Variants in SFMBT2 observed in about 807,000 individuals in gnomAD.
SFMBT2 encodes Scm like with four mbt domains 2.
A neutral mutation model predicts 110.1 loss-of-function variants in SFMBT2; 38 were observed. The observed-to-expected ratio is 0.35, with a 90% CI of 0.27 to 0.45. The LOEUF (loss-of-function observed/expected upper bound fraction) is 0.45. SFMBT2 is among the 20% of genes least tolerant of loss of function. The pLI is 1.00. For synonymous variants in SFMBT2, 425 were observed against 425.4 expected (o/e 1.00, Z 0.01); for missense variants, 1,011 against 1,094.9 (o/e 0.92, Z 1.08).
chr10:7,210,918 G>T (rs1298512304), intron 11 of SFMBT2, among the ~76,000 whole-genome samples: 1 of 151,842 alleles, frequency 6.6e-6, no homozygotes, highest in Admixed American at 6.6e-5. Flanking sequence ...AGACGAGTAT[G>T]GGGGGGGTGT....
intron 4 of SFMBT2, among the ~76,000 whole-genome samples, chr10:7,296,352 G>A (rs1237215171): frequency 6.6e-6 from 1 of 152,164 alleles, no homozygotes; most frequent in East Asian, 1.9e-4. Context: ...AGCTCCCTCT[G>A]CAGAAAAACT....
At chr10:7,274,526 TTA>T (rs766264908) in intron 7 of SFMBT2, among the ~76,000 whole-genome samples, 4 of 152,190 alleles carry the variant, frequency 2.6e-5, no homozygotes, top group African/African-American at 7.2e-5. Context: ...CATCCAGCTC[TTA>T]TTCTCCTTCC....
intron 4 of SFMBT2, among the ~76,000 whole-genome samples, chr10:7,342,773 A>C (rs566435577): frequency 6.6e-6 from 1 of 152,204 alleles, no homozygotes; most frequent in Non-Finnish European, 1.5e-5. Flanking sequence ...ACTCGTGTCC[A>C]TATTTCCTTT....
At chr10:7,222,279 T>C (rs1465435580) in intron 10 of SFMBT2, among the ~76,000 whole-genome samples, 1 of 152,262 alleles carries the variant, frequency 6.6e-6, no homozygotes, top group African/African-American at 2.4e-5. Flanking sequence ...TCAGTGATTG[T>C]GATTAAAGCT....
intron 4 of SFMBT2, among the ~76,000 whole-genome samples, chr10:7,314,826 T>A (rs894815585): frequency 2.9e-4 from 44 of 151,716 alleles, no homozygotes; most frequent in African/African-American, 1.0e-3. Flanking sequence ...GAGAACCTTT[T>A]GAACTCAAGA....
intron 16 of SFMBT2, among the ~76,000 whole-genome samples, chr10:7,186,082 A>C (rs1838392321): frequency 6.6e-6 from 1 of 152,158 alleles, no homozygotes; most frequent in Non-Finnish European, 1.5e-5. Context: ...TCTTTCTATA[A>C]AAGGTACGGT....
chr10:7,285,791 A>G (rs1236148573), intron 5 of SFMBT2, 75 bp downstream of exon 5: 2 of 798,024 alleles, frequency 2.5e-6, no homozygotes, highest in Non-Finnish European at 4.6e-6. Context: ...GATATATGCA[A>G]AGGTGCTGTC....
chr10:7,379,788 A>G (rs574935478), intron 2 of SFMBT2, among the ~76,000 whole-genome samples: 47 of 152,230 alleles, frequency 3.1e-4, no homozygotes, highest in Non-Finnish European at 6.2e-4. Context: ...ACATGAGTAT[A>G]CATGGGTTTT....
chr10:7,187,391 CAT>C (rs1157095162), intron 16 of SFMBT2, among the ~76,000 whole-genome samples: 1 of 152,114 alleles, frequency 6.6e-6, no homozygotes, highest in African/African-American at 2.4e-5. Flanking sequence ...ATTAGAAAAA[CAT>C]GTTTTTCTCT....
At chr10:7,346,385 G>C (rs116280238) in intron 4 of SFMBT2, among the ~76,000 whole-genome samples, 1 of 152,156 alleles carries the variant, frequency 6.6e-6, no homozygotes, top group African/African-American at 2.4e-5. Flanking sequence ...ACATGAAACA[G>C]AGGATGTGAG....
At chr10:7,197,770 T>A (rs1056330842) in intron 14 of SFMBT2, 83 bp from the exon 15 acceptor site, 63 of 1,521,908 alleles carry the variant, frequency 4.1e-5, no homozygotes, top group Non-Finnish European at 5.3e-5. Flanking sequence ...TTCATCCACA[T>A]GGTCAGGGAA....
chr10:7,411,065 CTTTTTTT>C (rs766788794), upstream of SFMBT2, among the ~76,000 whole-genome samples: 3 of 53,890 alleles, frequency 5.6e-5, no homozygotes, highest in African/African-American at 9.0e-5. Context: ...GCTCGGCGCT[CTTTTTTT>C]TTTTTTTTTT....
At position 7,170,844 on chromosome 10, in the gene SFMBT2, C is replaced by A. The variant is rs979006830; in HGVS notation, c.2544+84G>T. On this transcript the variant is annotated intron_variant, in intron 20 of 20. Transcript: ENST00000397167. The surrounding 1 kb of genome is among the most constrained non-coding windows in gnomAD (Gnocchi z 4.6). Reference sequence around the variant, plus strand: ...CCGAAGAACCCCCTCGCAGGTGTCACGAGGAAGCCGGCTAGGACACGAGGT... The same window carrying A: ...CCGAAGAACCCCCTCGCAGGTGTCAAGAGGAAGCCGGCTAGGACACGAGGT... The A allele has an allele frequency of 4.5e-5, 71 of 1,562,664 alleles. No homozygotes were observed. Among genetic ancestry groups the A allele is most frequent in the Non-Finnish European group, 6.2e-5 (71 of 1,142,294 alleles).
At chr10:7,215,218 T>G (rs529843286) in intron 11 of SFMBT2, among the ~76,000 whole-genome samples, 11 of 152,200 alleles carry the variant, frequency 7.2e-5, no homozygotes, top group African/African-American at 2.2e-4. Context: ...CTGGGCAACA[T>G]AGTGGGACCC....
At chr10:7,216,178 C>G (rs1044710773) in intron 11 of SFMBT2, among the ~76,000 whole-genome samples, 1 of 152,234 alleles carries the variant, frequency 6.6e-6, no homozygotes, top group Admixed American at 6.5e-5. Context: ...GTGACTGCAG[C>G]CGACCCCGCT....
intron 11 of SFMBT2, among the ~76,000 whole-genome samples, chr10:7,219,484 A>G (rs1839654708): frequency 6.6e-6 from 1 of 152,230 alleles, no homozygotes; most frequent in African/African-American, 2.4e-5. Context: ...GGCTTATTTA[A>G]GACCTTTGCA....
At chr10:7,249,372 A>G (rs1171583426) in intron 7 of SFMBT2, 2 of 281,100 alleles carry the variant, frequency 7.1e-6, no homozygotes, top group Non-Finnish European at 1.1e-5. Flanking sequence ...CACTTCAGCT[A>G]CACAGCAATA....
At chr10:7,177,868 A>G (rs901440233) in intron 16 of SFMBT2, among the ~76,000 whole-genome samples, 4 of 151,124 alleles carry the variant, frequency 2.6e-5, no homozygotes, top group Non-Finnish European at 5.9e-5. Flanking sequence ...TTAAAAAAAA[A>G]AAGAAGAAGA....
chr10:7,392,902 T>C (rs1845807183), intron 1 of SFMBT2, among the ~76,000 whole-genome samples: 1 of 147,602 alleles, frequency 6.8e-6, no homozygotes, highest in Non-Finnish European at 1.5e-5. Flanking sequence ...CAGTTCATCC[T>C]CCTCACAATT....
Sources: gnomAD v4.1 joint callset for allele counts (sites outside exome capture counted in the v4.1 genomes callset) on GRCh38, gnomAD v4.1.1 for gene constraint, Gnocchi (gnomAD v3.1) non-coding constraint, MANE v1.5 for transcripts, NCBI Gene and HGNC (gene_info 2026-07-23, HGNC 2026-07-21) for gene names.